The following SPIDR variants were observed in gnomAD, a reference collection of about 807,000 sequenced individuals.
SPIDR encodes DNA repair-scaffolding protein.
SPIDR carries 93 observed loss-of-function variants against 104.6 expected under a neutral mutation model. The ratio of observed to expected loss-of-function variants is 0.89; its 90% confidence interval spans 0.75 to 1.06. The LOEUF is 1.06. SPIDR is among the 50% of genes least tolerant of loss of function. SPIDR has a pLI of 0.00. For synonymous variants in SPIDR, 431 were observed against 416.9 expected, an observed-to-expected ratio of 1.03 and a Z score of -0.41; for missense variants, 1,154 against 1,111.2, an observed-to-expected ratio of 1.04 and a Z score of -0.55.
Position 47,595,916 on chromosome 8 carries a change from C to G in SPIDR, c.1203C>G (p.Tyr401Ter). 1 of 1,614,156 alleles carries G rather than the reference C, an allele frequency of 6.2e-7. No individual in the cohort carries two copies. Among genetic ancestry groups the G allele is most frequent in the Non-Finnish European group, 8.5e-7 (1 of 1,180,008 alleles). Residue 401 changes from tyrosine to a stop codon, truncating the protein, a stop_gained, in exon 9 of 20, where the codon TAC (tyrosine) becomes TAG (stop). Coordinates refer to ENST00000297423, the MANE Select transcript of SPIDR (RefSeq NM_001080394.4). LOFTEE classifies it high-confidence loss of function. ...ATTCAGAAAAAACTTGTGAAGTGTA[C>G]TGTCCGGACATACCCCTTCCAAGAA... is the stretch of plus-strand genomic sequence containing the variant. ...KEDSEKTCEV[Y>*]CPDIPLPRRS...
chr8:47,385,105 A>C (rs1220915102), intron 5 of SPIDR, among the ~76,000 whole-genome samples: 1 of 152,162 alleles, frequency 6.6e-6, no homozygotes, highest in Non-Finnish European at 1.5e-5. Context: ...CTTATGGAAA[A>C]AATTTCAATT....
intron 7 of SPIDR, among the ~76,000 whole-genome samples, chr8:47,422,812 T>G (rs868981434): frequency 4.6e-5 from 7 of 152,180 alleles, no homozygotes; most frequent in African/African-American, 1.4e-4. Flanking sequence ...TTTTAACATC[T>G]TTGGTATGTG....
At chr8:47,680,096 C>T (rs2076915252) in intron 11 of SPIDR, among the ~76,000 whole-genome samples, 1 of 152,168 alleles carries the variant, frequency 6.6e-6, no homozygotes, top group East Asian at 1.9e-4. Context: ...AGCCATGTGC[C>T]TCTGGACACA....
intron 5 of SPIDR, chr8:47,294,363 T>C (rs1272184616): frequency 4.5e-6 from 1 of 224,410 alleles, no homozygotes; most frequent in African/African-American, 2.3e-5. Flanking sequence ...AGATACAAAT[T>C]TAAATCAGCT....
rs576624323 is a variant in SPIDR at position 47,447,941 on chromosome 8, A to C, written c.1097+7399A>C. 2.6e-5 allele frequency among the ~76,000 whole-genome samples: 4 copies of C among 152,346 alleles called. No homozygotes were observed. The South Asian group carries it at 8.3e-4, about 32-fold the overall frequency. On this transcript the variant is annotated intron_variant, in intron 8 of 19. Coordinates refer to ENST00000297423, the MANE Select transcript of SPIDR (RefSeq NM_001080394.4). ...TAGATACAATGCTGTTGCACACCTT[A>C]TAGGCTATAATATAGTGTAAACATA...
chr8:47,272,228 A>G (rs1388694018), intron 1 of SPIDR, among the ~76,000 whole-genome samples: 4 of 152,058 alleles, frequency 2.6e-5, no homozygotes, highest in African/African-American at 7.2e-5. Flanking sequence ...TGGCCTCCCA[A>G]AGTGCTGGGG....
chr8:47,393,683 C>G (rs138539228), intron 5 of SPIDR, among the ~76,000 whole-genome samples: 1 of 24,438 alleles, frequency 4.1e-5, no homozygotes, highest in East Asian at 2.6e-3. Context: ...TTTTCCTTTC[C>G]TTTCCTTTCC....
intron 8 of SPIDR, among the ~76,000 whole-genome samples, chr8:47,505,712 G>T (rs555391471): frequency 6.6e-6 from 1 of 152,306 alleles, no homozygotes; most frequent in African/African-American, 2.4e-5. Context: ...GGTCACGCTG[G>T]GAGCTGTAGA....
intron 5 of SPIDR, among the ~76,000 whole-genome samples, chr8:47,301,507 T>C (rs2154247850): frequency 6.6e-6 from 1 of 151,980 alleles, no homozygotes; most frequent in South Asian, 2.1e-4. Context: ...CTGGTTATTT[T>C]GCTCATTAGT....
chr8:47,592,668 G>T, intron 8 of SPIDR: 1 of 813,434 alleles, frequency 1.2e-6, no homozygotes, highest in South Asian at 1.7e-5. Context: ...CCTCACGCAC[G>T]AGTAGAAGTC....
At chr8:47,418,413 G>C (rs1278542350) in intron 7 of SPIDR, among the ~76,000 whole-genome samples, 1 of 152,122 alleles carries the variant, frequency 6.6e-6, no homozygotes, top group Non-Finnish European at 1.5e-5. Flanking sequence ...CTCAGGATGT[G>C]GCTCTCTGTT....
intron 10 of SPIDR, among the ~76,000 whole-genome samples, chr8:47,626,505 T>C (rs545740169): frequency 1.3e-5 from 2 of 152,220 alleles, no homozygotes; most frequent in South Asian, 4.2e-4. Context: ...AAAGGGCTAA[T>C]ATCCAGAATC....
At chr8:47,554,449 G>GGCAGACGTCCCTCCCCCAGCCTC in intron 8 of SPIDR, among the ~76,000 whole-genome samples, 1 of 152,296 alleles carries the variant, frequency 6.6e-6, no homozygotes, top group Admixed American at 6.5e-5. Context: ...CCTCAGCAAT[G>GGCAGACGTCCCTCCCCCAGCCTC]GCAGACGTCC....
At chr8:47,341,739 CAT>C (rs2050797286) in intron 5 of SPIDR, among the ~76,000 whole-genome samples, 3 of 152,304 alleles carry the variant, frequency 2.0e-5, no homozygotes, top group Admixed American at 6.5e-5. Context: ...GGTGGAAAAA[CAT>C]ATGGGAATAT....
chr8:47,289,279 G>A (rs1554566213), intron 3 of SPIDR, among the ~76,000 whole-genome samples: 66 of 151,890 alleles, frequency 4.3e-4, no homozygotes, highest in Non-Finnish European at 8.8e-4. Context: ...CTGTAAATAT[G>A]TATCTAATGA....
intron 10 of SPIDR, among the ~76,000 whole-genome samples, chr8:47,654,808 G>A (rs1366913456): frequency 6.6e-6 from 1 of 152,126 alleles, no homozygotes; most frequent in Non-Finnish European, 1.5e-5. Flanking sequence ...CACGTGCCAT[G>A]TTGGTGTGCT....
intron 5 of SPIDR, among the ~76,000 whole-genome samples, chr8:47,375,685 C>T (rs1366379535): frequency 1.3e-5 from 2 of 152,104 alleles, no homozygotes; most frequent in African/African-American, 2.4e-5. Flanking sequence ...AGGCTGGCCT[C>T]GAATTCCTGG....
intron 8 of SPIDR, among the ~76,000 whole-genome samples, chr8:47,540,858 GGTTTT>G (rs1450523084): frequency 6.6e-6 from 1 of 152,128 alleles, no homozygotes; most frequent in Non-Finnish European, 1.5e-5. Flanking sequence ...AAAAAACAGT[GGTTTT>G]AATTAACACT....
At chr8:47,440,568 A>G (rs370057341) in intron 8 of SPIDR, 26 bp downstream of exon 8, 2 of 1,587,412 alleles carry the variant, frequency 1.3e-6, no homozygotes, top group Non-Finnish European at 1.7e-6. Context: ...TTAATCCAGC[A>G]GTCACCAACT....
Sources: gnomAD v4.1 joint callset for allele counts (sites outside exome capture counted in the v4.1 genomes callset) on GRCh38, gnomAD v4.1.1 for gene constraint, MANE v1.5 for transcripts, NCBI Gene and HGNC (gene_info 2026-07-23, HGNC 2026-07-21) for gene names.